Variants in NPHP4 observed in about 807,000 individuals in gnomAD.
NPHP4 encodes the protein nephrocystin-4.
In NPHP4, 151 loss-of-function variants were observed where a neutral mutation model predicts 155.8. The observed-to-expected ratio is 0.97, with a 90% confidence interval of 0.85 to 1.11. NPHP4 has a LOEUF of 1.11. Ranked by LOEUF, NPHP4 falls within the 50% of genes least tolerant of loss-of-function variation. The probability of loss-of-function intolerance (pLI) is 0.00; values close to 1 mark genes in which losing one functional copy is unlikely to be tolerated. For synonymous variants in NPHP4, 845 were observed against 816.8 expected, an observed-to-expected ratio of 1.03 and a Z score of -0.59; for missense variants, 1,956 against 1,925.7, an observed-to-expected ratio of 1.02 and a Z score of -0.29.
intron 23 of NPHP4, 130 bp from the exon 24 acceptor site, chr1:5,868,026 A>G: frequency 1.0e-6 from 1 of 1,003,252 alleles, no homozygotes; most frequent in South Asian, 1.4e-5. Flanking sequence ...ATGAGCGGGG[A>G]AGGTCGGGCA....
Position 5,890,319 on chromosome 1 carries a change from C to A in NPHP4, c.2304+549G>T, listed in dbSNP as rs555512131. Among the ~76,000 whole-genome samples the A allele has an allele frequency of 6.6e-6, 1 of 152,230 alleles. No individual in the cohort carries two copies. The highest frequency in any genetic ancestry group is 2.4e-5 in the African/African-American group (1 of 41,526). Reference sequence around the variant, plus strand: ...GAGTTGTCATGGGGTCCCCTTCATACAATGGAGAAGGCTTGGGAAGAATTC... The same window carrying A: ...GAGTTGTCATGGGGTCCCCTTCATAAAATGGAGAAGGCTTGGGAAGAATTC... On this transcript the variant is annotated intron_variant, in intron 17 of 29. Transcript: ENST00000378156. This position sits in a 1 kb window ranked among gnomAD's most constrained non-coding sequence, Gnocchi z 4.9.
intron 11 of NPHP4, among the ~76,000 whole-genome samples, chr1:5,921,725 G>T (rs2101591631): frequency 6.6e-6 from 1 of 152,270 alleles, no homozygotes; most frequent in Non-Finnish European, 1.5e-5. Flanking sequence ...TTATTGATTT[G>T]GAGGACTTCT....
At chr1:5,866,800 TA>T (rs958370301) in intron 25 of NPHP4, among the ~76,000 whole-genome samples, 6 of 152,184 alleles carry the variant, frequency 3.9e-5, no homozygotes, top group Non-Finnish European at 7.3e-5. Flanking sequence ...CGTGCCTTTT[TA>T]AAATTTAAAT....
chr1:5,865,534 C>A (rs1641129755), intron 26 of NPHP4: 2 of 424,350 alleles, frequency 4.7e-6, no homozygotes, highest in Non-Finnish European at 8.4e-6. Flanking sequence ...CAGGGCGCAG[C>A]AGGGCTGCTT....
chr1:5,955,555 C>T (rs564526991), intron 6 of NPHP4, among the ~76,000 whole-genome samples: 1 of 152,346 alleles, frequency 6.6e-6, no homozygotes, highest in East Asian at 1.9e-4. Flanking sequence ...TACGCAACCA[C>T]GATCAAAGAA....
chr1:5,877,426 G>A, intron 19 of NPHP4, 128 bp from the exon 20 acceptor site: 1 of 618,216 alleles, frequency 1.6e-6, no homozygotes, highest in South Asian at 2.9e-5. Flanking sequence ...CATGCTTTTT[G>A]CAGCTCCAAT....
intron 19 of NPHP4, among the ~76,000 whole-genome samples, chr1:5,878,416 G>T (rs1642847543): frequency 6.6e-6 from 1 of 152,230 alleles, no homozygotes; most frequent in Non-Finnish European, 1.5e-5. Flanking sequence ...TGAGTGGAGG[G>T]ACCTGGGGCC....
chr1:5,891,992 G>A (rs892697984), intron 16 of NPHP4, among the ~76,000 whole-genome samples: 2 of 152,254 alleles, frequency 1.3e-5, no homozygotes, highest in African/African-American at 4.8e-5. Context: ...GTGGAGCAAG[G>A]ACCCACTGCT....
At chr1:5,918,127 C>A (rs1362291628) in intron 11 of NPHP4, among the ~76,000 whole-genome samples, 1 of 152,102 alleles carries the variant, frequency 6.6e-6, no homozygotes, top group Non-Finnish European at 1.5e-5. Flanking sequence ...AGGAATCAGA[C>A]AACACACAAG....
chr1:5,867,196 A>AG lies in NPHP4; in HGVS notation c.3473-82dup. 9.5e-7 allele frequency: 1 copy of AG among 1,050,666 alleles called. No homozygotes were observed. The highest frequency in any genetic ancestry group is 1.4e-6 in the Non-Finnish European group (1 of 699,872). The allele number at this position is 1,050,666 out of a possible 1,614,324, so 65.1% of individuals were successfully genotyped here. A position where few individuals can be genotyped will look rare whatever the true frequency, so the allele number is the denominator to read the frequency against. ...GAAGGCCCCACACATTACACACTATAGGACAGGACAGGCTCGTCACAGGTG... is the reference window on the plus strand; with the variant it reads ...GAAGGCCCCACACATTACACACTATAGGGACAGGACAGGCTCGTCACAGGTG... On this transcript the variant is annotated intron_variant, in intron 24 of 29. Coordinates refer to ENST00000378156, the MANE Select transcript of NPHP4 (RefSeq NM_015102.5). This position sits in a 1 kb window ranked among gnomAD's most constrained non-coding sequence, Gnocchi z 4.1.
rs1652037148 is a variant in NPHP4 at position 5,968,957 on chromosome 1, G to A, written c.452+130C>T. ...CACGAGAATCGCTCGAACCCAGGAA[G>A]CGGAGGTTGCAGTGAGCCGACATTA... On this transcript the variant is annotated intron_variant, in intron 4 of 29. Coordinates refer to ENST00000378156, the MANE Select transcript of NPHP4 (RefSeq NM_015102.5). 8.9e-6 allele frequency: 5 copies of A among 564,598 alleles called. No individual in the cohort carries two copies. The South Asian group carries it at 1.1e-4, about 13-fold the overall frequency. 35.0% of individuals were successfully genotyped at this position (564,598 alleles called of 1,614,324 possible).
At chr1:5,874,120 A>G (rs1011047537) in intron 22 of NPHP4, among the ~76,000 whole-genome samples, 4 of 152,200 alleles carry the variant, frequency 2.6e-5, no homozygotes, top group Admixed American at 1.3e-4. Context: ...TAGAGCAGAC[A>G]GTGCTGCAGT....
Position 5,952,761 on chromosome 1 carries a change from G to T in NPHP4, c.749C>A (p.Pro250His). The T allele has an allele frequency of 6.3e-7, 1 of 1,578,092 alleles. No individual in the cohort carries two copies. The change falls in exon 7 of 30, where the codon CCC (proline) becomes CAC (histidine). Residue 250 changes from proline (P) to histidine (H), a missense_variant. Physicochemically the swap from Pro to His is moderately conservative, Grantham distance 77. Transcript: ENST00000378156. ...HLDDLFFTLY[P>H]SLEKFEEELL... is the part of the protein sequence containing the mutation. ...CTCTTCCTCAAACTTCTCCAGGGAG[G>T]GGTACAGGGTGAAGAATAAGTCATC...
At chr1:5,888,639 AAC>A in intron 17 of NPHP4, 1 of 1,334,474 alleles carries the variant, frequency 7.5e-7, no homozygotes, top group South Asian at 1.2e-5. Flanking sequence ...AAATACAAGA[AAC>A]CATGTCAGCT....
At chr1:5,972,703 G>A (rs776972683) in intron 3 of NPHP4, among the ~76,000 whole-genome samples, 2 of 152,164 alleles carry the variant, frequency 1.3e-5, no homozygotes, top group Non-Finnish European at 2.9e-5. Context: ...ATCAAGTCAG[G>A]AGGAGCTTAT....
At chr1:5,988,361 A>G (rs1488984325) in intron 1 of NPHP4, among the ~76,000 whole-genome samples, 1 of 152,252 alleles carries the variant, frequency 6.6e-6, no homozygotes, top group Non-Finnish European at 1.5e-5. Context: ...TACAGAAGCA[A>G]ACAGGAGCCT....
chr1:5,894,413 G>A (rs1220440800), intron 16 of NPHP4, among the ~76,000 whole-genome samples: 1 of 150,046 alleles, frequency 6.7e-6, no homozygotes, highest in African/African-American at 2.5e-5. Flanking sequence ...TCACGCCACT[G>A]CATTCCAGCC....
intron 23 of NPHP4, among the ~76,000 whole-genome samples, chr1:5,872,997 G>A (rs566482275): frequency 2.6e-5 from 4 of 152,352 alleles, no homozygotes; most frequent in Non-Finnish European, 5.9e-5. Context: ...CTTCACACCC[G>A]GAGAGCCCTG....
intron 16 of NPHP4, among the ~76,000 whole-genome samples, chr1:5,901,674 C>T (rs1328125665): frequency 2.0e-5 from 3 of 152,184 alleles, no homozygotes; most frequent in Non-Finnish European, 2.9e-5. Flanking sequence ...GGTCTCAACG[C>T]TATCATTTAA....
Sources: gnomAD v4.1 joint callset for allele counts (sites outside exome capture counted in the v4.1 genomes callset) on GRCh38, gnomAD v4.1.1 for gene constraint, Gnocchi (gnomAD v3.1) non-coding constraint, MANE v1.5 for transcripts, NCBI Gene and HGNC (gene_info 2026-07-23, HGNC 2026-07-21) for gene names.